MDGA2: variants seen among roughly 807,000 people sequenced by gnomAD.
The protein encoded by MDGA2 is MAM domain containing glycosylphosphatidylinositol anchor 2, also known as MAM domain-containing glycosylphosphatidylinositol anchor protein 2.
A neutral mutation model predicts 117.8 loss-of-function variants in MDGA2; 40 were observed. The ratio of observed to expected loss-of-function variants is 0.34; its 90% CI spans 0.26 to 0.44. The LOEUF (loss-of-function observed/expected upper bound fraction) is 0.44. MDGA2 is among the 20% of genes least tolerant of loss of function. MDGA2 has a pLI of 1.00. For synonymous variants in MDGA2, 452 were observed against 439.0 expected (o/e 1.03, Z -0.37); for missense variants, 1,123 against 1,250.6 (o/e 0.90, Z 1.54).
rs747269439 is a variant in MDGA2 at position 47,229,033 on chromosome 14, C to T, written c.421-10838G>A. The stretch of plus-strand genomic sequence containing the variant: ...AGAAAGAAATAGACATAGTGAGCCA[C>T]TCTTATCAGCTGGAGAATGGTGGGA... On this transcript the variant is annotated intron_variant, in intron 2 of 16. Coordinates refer to ENST00000399232, the MANE Select transcript of MDGA2 (RefSeq NM_001113498.3). 2.1e-4 allele frequency among the ~76,000 whole-genome samples: 32 copies of T among 152,264 alleles called. No individual in the cohort carries two copies. In the Middle Eastern group the frequency reaches 0.01, roughly 49 times the overall value.
intron 3 of MDGA2, among the ~76,000 whole-genome samples, chr14:47,195,760 A>C (rs1234602872): frequency 6.6e-6 from 1 of 152,064 alleles, no homozygotes; most frequent in African/African-American, 2.4e-5. Flanking sequence ...TAGATTACAT[A>C]TTCCCTTCAA....
At chr14:46,865,406 T>C (rs376672339) in intron 14 of MDGA2, among the ~76,000 whole-genome samples, 4 of 152,074 alleles carry the variant, frequency 2.6e-5, no homozygotes, top group Admixed American at 2.6e-4. Context: ...TAATAAGAGC[T>C]ATCTATGACA....
At chr14:46,989,709 C>T (rs1055528462) in intron 8 of MDGA2, among the ~76,000 whole-genome samples, 1 of 151,950 alleles carries the variant, frequency 6.6e-6, no homozygotes, top group African/African-American at 2.4e-5. Context: ...GAACTATATA[C>T]AGGCACTTAT....
chr14:46,841,809 A>G lies in MDGA2; in HGVS notation c.*122T>C. The G allele has an allele frequency of 1.6e-6, 1 of 610,718 alleles. No individual in the cohort carries two copies. The highest frequency in any genetic ancestry group is 2.7e-6 in the Non-Finnish European group (1 of 365,154). 37.8% of individuals were successfully genotyped at this position (610,718 alleles called of 1,614,324 possible). ...TAAAAAAATTTGTTTTTATTATTTT[A>G]TTTTTGAGTCAGTAGTCAGTGGAGG... On this transcript the variant is annotated 3_prime_UTR_variant, in exon 17 of 17. Coordinates refer to ENST00000399232, the MANE Select transcript of MDGA2 (RefSeq NM_001113498.3).
Position 47,118,241 on chromosome 14 carries a change from G to T in MDGA2, c.925+13473C>A, listed in dbSNP as rs138676395. On this transcript the variant is annotated intron_variant, in intron 5 of 16. Transcript: ENST00000399232. Reference sequence around the variant, plus strand: ...TTTCAGACATTCAGAGCAGATTGTTGCCATGTTCTAGGACAATGCTCCTAC... The same window carrying T: ...TTTCAGACATTCAGAGCAGATTGTTTCCATGTTCTAGGACAATGCTCCTAC... 4.0e-3 allele frequency among the ~76,000 whole-genome samples: 612 copies of T among 152,168 alleles called. 7 individuals carry two copies. The highest frequency in any genetic ancestry group is 0.019 in the East Asian group (98 of 5,180).
At chr14:47,348,745 C>CA (rs1170716152) in intron 1 of MDGA2, among the ~76,000 whole-genome samples, 2 of 152,062 alleles carry the variant, frequency 1.3e-5, no homozygotes, top group South Asian at 2.1e-4. Context: ...AGTGCAGAAG[C>CA]AAAAATCTTT....
At position 47,058,828 on chromosome 14, in the gene MDGA2, C is replaced by A. The variant is rs1889775212; in HGVS notation, c.1525+2421G>T. ...TGTAGGCCTTCTATCACAATAAAAT[C>A]TCCTAGGCCATCTAGCCTCAAGAGC... On this transcript the variant is annotated intron_variant, in intron 7 of 16. Transcript: ENST00000399232. 8 of 985,762 alleles carry A rather than the reference C, an allele frequency of 8.1e-6. No homozygotes were observed. In the South Asian group the frequency reaches 2.8e-4, roughly 35 times the overall value. The allele number at this position is 985,762 out of a possible 1,614,324, so 61.1% of individuals were successfully genotyped here.
At chr14:47,083,389 T>C (rs2138902773) in intron 6 of MDGA2, among the ~76,000 whole-genome samples, 1 of 151,972 alleles carries the variant, frequency 6.6e-6, no homozygotes, top group Middle Eastern at 3.4e-3. Context: ...AAAAATACTA[T>C]AAATAAATCA....
At chr14:47,163,422 G>A (rs1269417355) in intron 3 of MDGA2, among the ~76,000 whole-genome samples, 2 of 152,082 alleles carry the variant, frequency 1.3e-5, no homozygotes, top group East Asian at 1.9e-4. Flanking sequence ...GGTTGTGGGG[G>A]TGGGGGGTCT....
chr14:47,656,952 A>C (rs1897756201), intron 1 of MDGA2, among the ~76,000 whole-genome samples: 1 of 152,194 alleles, frequency 6.6e-6, no homozygotes. Flanking sequence ...GCAAAATTCA[A>C]AGCGATCCTT....
intron 6 of MDGA2, among the ~76,000 whole-genome samples, chr14:47,065,373 C>T (rs999033142): frequency 6.6e-6 from 1 of 152,096 alleles, no homozygotes; most frequent in Admixed American, 6.6e-5. Flanking sequence ...CTACTCACTG[C>T]AAAAATTTGG....
At chr14:47,616,141 C>G (rs151102772) in intron 1 of MDGA2, among the ~76,000 whole-genome samples, 15 of 152,244 alleles carry the variant, frequency 9.9e-5, no homozygotes, top group African/African-American at 3.4e-4. Context: ...ACATTTGACT[C>G]TGAATTTTGA....
intron 8 of MDGA2, among the ~76,000 whole-genome samples, chr14:47,019,598 C>T (rs1205867574): frequency 6.6e-6 from 1 of 152,102 alleles, no homozygotes; most frequent in Non-Finnish European, 1.5e-5. Flanking sequence ...AATCCCAGCA[C>T]TTTGGAAGGC....
rs1896123559 is a variant in MDGA2, at chr14:47,576,817, C to G, written c.280+97700G>C. On this transcript the variant is annotated intron_variant, in intron 1 of 16. Coordinates refer to ENST00000399232, the MANE Select transcript of MDGA2 (RefSeq NM_001113498.3). The stretch of plus-strand genomic sequence containing the variant: ...CATTCTGTCACCCAGGCTGCGATTT[C>G]AGCTCACTGCAGCCTCGACCTCCCA... Among the ~76,000 whole-genome samples, 3 of 152,102 alleles carry G rather than the reference C, an allele frequency of 2.0e-5. No homozygotes were observed. In the South Asian group the frequency reaches 6.2e-4, roughly 32 times the overall value.
intron 14 of MDGA2, among the ~76,000 whole-genome samples, chr14:46,873,162 G>C (rs1882083208): frequency 6.6e-6 from 1 of 151,920 alleles, no homozygotes; most frequent in African/African-American, 2.4e-5. Flanking sequence ...AATTCCATGA[G>C]ACCTGGTAAA....
chr14:47,623,587 T>C (rs1897088143), intron 1 of MDGA2, among the ~76,000 whole-genome samples: 1 of 152,190 alleles, frequency 6.6e-6, no homozygotes, highest in Non-Finnish European at 1.5e-5. Flanking sequence ...TTTATTTGCA[T>C]AGCACTTCCC....
chr14:47,153,652 C>T (rs1025244935), intron 3 of MDGA2, among the ~76,000 whole-genome samples: 1 of 147,542 alleles, frequency 6.8e-6, no homozygotes, highest in African/African-American at 2.5e-5. Flanking sequence ...AAGGGAAGGA[C>T]CAGTGAGAGA....
chr14:47,465,273 C>T (rs1411731529), intron 1 of MDGA2, among the ~76,000 whole-genome samples: 2 of 152,048 alleles, frequency 1.3e-5, no homozygotes, highest in African/African-American at 4.8e-5. Context: ...TAGAAACAGG[C>T]AAAGATTTCA....
chr14:47,285,628 A>G (rs1888645289), intron 2 of MDGA2, among the ~76,000 whole-genome samples: 1 of 152,050 alleles, frequency 6.6e-6, no homozygotes, highest in South Asian at 2.1e-4. Flanking sequence ...CCATTTCCCA[A>G]GTGTCTTTAA....
Sources: gnomAD v4.1 joint callset for allele counts (sites outside exome capture counted in the v4.1 genomes callset) on GRCh38, gnomAD v4.1.1 for gene constraint, MANE v1.5 for transcripts, NCBI Gene and HGNC (gene_info 2026-07-23, HGNC 2026-07-21) for gene names.